NCALD: variants seen among roughly 807,000 people sequenced by gnomAD.
NCALD encodes the protein neurocalcin delta.
Under a neutral mutation model 18.6 loss-of-function variants are expected in NCALD, and 10 were observed. The observed-to-expected ratio is 0.54, with a 90% CI of 0.33 to 0.91. The LOEUF is 0.91. Among genes scored for constraint, NCALD ranks in the 40% least tolerant of loss-of-function variants. NCALD has a pLI of 0.03. For synonymous variants in NCALD, 88 were observed against 87.4 expected (o/e 1.01, Z -0.04); for missense variants, 184 against 247.6 (o/e 0.74, Z 1.72).
intron 2 of NCALD, among the ~76,000 whole-genome samples, chr8:101,976,637 T>C (rs1820433552): frequency 6.6e-6 from 1 of 152,212 alleles, no homozygotes; most frequent in African/African-American, 2.4e-5. Context: ...TTGCCAAGTA[T>C]TTTAAAGGCT....
At chr8:101,812,027 G>A (rs1243685154) in intron 4 of NCALD, among the ~76,000 whole-genome samples, 1 of 152,168 alleles carries the variant, frequency 6.6e-6, no homozygotes, top group African/African-American at 2.4e-5. Flanking sequence ...AATGGAGTGG[G>A]ATGGTTAATT....
At chr8:101,914,523 T>C (rs1817911645) in intron 3 of NCALD, among the ~76,000 whole-genome samples, 1 of 152,224 alleles carries the variant, frequency 6.6e-6, no homozygotes, top group Non-Finnish European at 1.5e-5. Flanking sequence ...CAGGGAGGGT[T>C]ATGCTTTACC....
chr8:101,850,919 G>T (rs1815066856), intron 4 of NCALD, among the ~76,000 whole-genome samples: 1 of 152,050 alleles, frequency 6.6e-6, no homozygotes, highest in Non-Finnish European at 1.5e-5. Flanking sequence ...GATCCAGCAG[G>T]GTGTTAATAG....
intron 1 of NCALD, among the ~76,000 whole-genome samples, chr8:101,726,859 C>G (rs914870507): frequency 2.0e-5 from 3 of 152,098 alleles, no homozygotes; most frequent in African/African-American, 4.8e-5. Context: ...ACTGTTTCTA[C>G]GCAAACACCA....
At chr8:102,017,827 G>C (rs1052587260) in intron 2 of NCALD, among the ~76,000 whole-genome samples, 1 of 152,180 alleles carries the variant, frequency 6.6e-6, no homozygotes, top group African/African-American at 2.4e-5. Context: ...ACTAGAGACT[G>C]AGAAAAAGTA....
chr8:101,766,028 T>A (rs1811332778), intron 1 of NCALD, among the ~76,000 whole-genome samples: 2 of 152,208 alleles, frequency 1.3e-5, no homozygotes, highest in South Asian at 2.1e-4. Context: ...ACTGATGATG[T>A]TGTCCCACAT....
intron 4 of NCALD, among the ~76,000 whole-genome samples, chr8:101,805,480 C>T (rs1813065502): frequency 6.6e-6 from 1 of 152,198 alleles, no homozygotes; most frequent in Admixed American, 6.5e-5. Context: ...AATACCAGGG[C>T]TCGTATTGCC....
rs1395268903 is a variant in NCALD at position 102,002,410 on chromosome 8, TC to T, written c.-157+17826del. Among the ~76,000 whole-genome samples the T allele has an allele frequency of 3.3e-4, 50 of 152,208 alleles. 1 individual carries two copies. The East Asian group carries it at 9.3e-3, about 28-fold the overall frequency. On this transcript the variant is annotated intron_variant, in intron 2 of 6. Transcript: ENST00000311028. ...TAGAGACCTAGAAAGAGACTTAGAC[TC>T]CCACACAATAATAATGGGAGACTTT... is the stretch of plus-strand genomic sequence containing the variant.
At position 102,048,162 on chromosome 8, in the gene NCALD, CTGT is replaced by C. The variant is rs1179428642; in HGVS notation, c.-209-27876_-209-27874del. Among the ~76,000 whole-genome samples, 8 of 152,180 alleles carry C rather than the reference CTGT, an allele frequency of 5.3e-5. No individual in the cohort carries two copies. In the South Asian group the frequency reaches 1.2e-3, roughly 24 times the overall value. ...TGGAGCTTTAAGTTATACACAGAAT[CTGT>C]TGTTATTTATTTCTTGACCAAGAAA... On this transcript the variant is annotated intron_variant, in intron 1 of 6. Coordinates refer to the NCALD transcript ENST00000311028.
intron 2 of NCALD, among the ~76,000 whole-genome samples, chr8:101,973,977 A>G (rs1820332270): frequency 6.6e-6 from 1 of 152,166 alleles, no homozygotes; most frequent in Admixed American, 6.5e-5. Context: ...TATAAACGCT[A>G]CCAGCCTGAT....
intron 4 of NCALD, among the ~76,000 whole-genome samples, chr8:101,821,833 C>T (rs1039253091): frequency 1.7e-4 from 25 of 145,576 alleles, no homozygotes; most frequent in Middle Eastern, 3.6e-3. Context: ...TGGCAATCTA[C>T]TCATAAATCC....
chr8:101,844,868 A>C (rs1408243649), intron 4 of NCALD, among the ~76,000 whole-genome samples: 1 of 152,152 alleles, frequency 6.6e-6, no homozygotes, highest in East Asian at 1.9e-4. Flanking sequence ...TCTTAAGTAT[A>C]ATTAGGTTTA....
chr8:101,963,911 T>C, intron 2 of NCALD, among the ~76,000 whole-genome samples: 1 of 152,162 alleles, frequency 6.6e-6, no homozygotes, highest in East Asian at 1.9e-4. Context: ...TGGTCTCCTC[T>C]ACTTCCACTG....
intron 1 of NCALD, 48 bp downstream of exon 1, chr8:101,790,814 A>G (rs914824339): frequency 1.3e-5 from 2 of 152,312 alleles, no homozygotes; most frequent in East Asian, 1.9e-4. Flanking sequence ...GAAAACCACA[A>G]TGAGCTATAA....
intron 2 of NCALD, among the ~76,000 whole-genome samples, chr8:101,980,610 T>C (rs1158517316): frequency 6.6e-6 from 1 of 152,136 alleles, no homozygotes; most frequent in African/African-American, 2.4e-5. Context: ...AATAATCCTT[T>C]TCACGTATTT....
chr8:101,945,063 T>C (rs1819114682), intron 2 of NCALD, among the ~76,000 whole-genome samples: 1 of 152,218 alleles, frequency 6.6e-6, no homozygotes, highest in Non-Finnish European at 1.5e-5. Flanking sequence ...ACGTGACATC[T>C]GTTAAGAGGC....
At chr8:102,050,401 T>G (rs962577401) in intron 1 of NCALD, among the ~76,000 whole-genome samples, 11 of 151,126 alleles carry the variant, frequency 7.3e-5, no homozygotes, top group Admixed American at 1.3e-4. Flanking sequence ...ATTAATGTTA[T>G]GTAATTGATA....
intron 3 of NCALD, chr8:101,690,678 GA>G: frequency 1.0e-6 from 1 of 985,404 alleles, no homozygotes; most frequent in African/African-American, 1.7e-5. Flanking sequence ...CTCCATGAAG[GA>G]AAAAGATAGG....
At chr8:101,762,704 G>C (rs1216378390) in intron 1 of NCALD, among the ~76,000 whole-genome samples, 1 of 151,756 alleles carries the variant, frequency 6.6e-6, no homozygotes, top group Non-Finnish European at 1.5e-5. Flanking sequence ...CTCCCAAGTA[G>C]CTGGGGTTAT....
Sources: allele counts gnomAD v4.1 joint callset (sites outside exome capture counted in the v4.1 genomes callset), GRCh38; gene constraint gnomAD v4.1.1; transcripts MANE v1.5; gene names NCBI Gene and HGNC (gene_info 2026-07-23, HGNC 2026-07-21).